DACH1: variants seen among roughly 807,000 people sequenced by gnomAD.
The protein encoded by DACH1 is dachshund family transcription factor 1.
Under a neutral mutation model 54.2 loss-of-function variants are expected in DACH1, and 12 were observed. The ratio of observed to expected loss-of-function variants is 0.22; its 90% CI spans 0.14 to 0.36. The LOEUF is 0.36. Ranked by LOEUF, DACH1 falls within the 10% of genes least tolerant of loss-of-function variation. The pLI is 1.00. For missense variants in DACH1, 805 were observed against 929.8 expected, an observed-to-expected ratio of 0.87 and a Z score of 1.75; for synonymous variants, 386 against 366.2, an observed-to-expected ratio of 1.05 and a Z score of -0.62.
At chr13:71,753,905 A>T (rs1330801657) in intron 1 of DACH1, among the ~76,000 whole-genome samples, 1 of 152,228 alleles carries the variant, frequency 6.6e-6, no homozygotes. Context: ...TTCTCATGCC[A>T]TAGTCAAAGT....
chr13:71,653,144 T>C (rs891160561), intron 2 of DACH1, among the ~76,000 whole-genome samples: 7 of 152,212 alleles, frequency 4.6e-5, no homozygotes, highest in African/African-American at 1.7e-4. Context: ...ACTTAATTTC[T>C]ATTATTTGAT....
At position 71,620,966 on chromosome 13, in the gene DACH1, A is replaced by G. The variant is rs182793962; in HGVS notation, c.1126+9590T>C. Among the ~76,000 whole-genome samples the G allele has an allele frequency of 5.9e-4, 90 of 152,156 alleles. 3 individuals carry two copies. The highest frequency in any genetic ancestry group is 5.8e-3 in the Admixed American group (88 of 15,226). ...TTATAGATGAACTCAATTGATAAAA[A>G]GACTTAAATATGTGCCATAAAGCCA... On this transcript the variant is annotated intron_variant, in intron 3 of 10. Coordinates refer to ENST00000613252, the MANE Select transcript of DACH1 (RefSeq NM_080759.6).
intron 1 of DACH1, among the ~76,000 whole-genome samples, chr13:71,809,678 G>C (rs983719615): frequency 6.6e-6 from 1 of 152,074 alleles, no homozygotes; most frequent in African/African-American, 2.4e-5. Context: ...ATGGAACATA[G>C]TCTTATTTGA....
chr13:71,564,973 G>A (rs893132439), intron 4 of DACH1, among the ~76,000 whole-genome samples: 7 of 152,172 alleles, frequency 4.6e-5, no homozygotes, highest in African/African-American at 1.2e-4. Flanking sequence ...CCAGGCTAGA[G>A]TGCAGTGGCA....
chr13:71,821,922 G>C (rs886360553), intron 1 of DACH1, among the ~76,000 whole-genome samples: 2 of 151,930 alleles, frequency 1.3e-5, no homozygotes, highest in Non-Finnish European at 2.9e-5. Context: ...TTATCTGGGC[G>C]TGGCGGTGTG....
intron 4 of DACH1, among the ~76,000 whole-genome samples, chr13:71,568,754 C>T (rs1430138306): frequency 6.6e-6 from 1 of 152,018 alleles, no homozygotes; most frequent in Non-Finnish European, 1.5e-5. Context: ...AGCTGAATTA[C>T]ATAACATCTC....
intron 2 of DACH1, among the ~76,000 whole-genome samples, chr13:71,679,364 G>A (rs1215607636): frequency 6.6e-6 from 1 of 152,074 alleles, no homozygotes; most frequent in East Asian, 1.9e-4. Flanking sequence ...TATGTGAGGT[G>A]TTGCTATTTA....
chr13:71,562,944 C>T (rs988696293), intron 4 of DACH1, among the ~76,000 whole-genome samples: 1 of 151,968 alleles, frequency 6.6e-6, no homozygotes, highest in African/African-American at 2.4e-5. Flanking sequence ...ATTTATAAGG[C>T]TATATGTAGA....
intron 1 of DACH1, among the ~76,000 whole-genome samples, chr13:71,841,889 T>C (rs1872877957): frequency 6.6e-6 from 1 of 152,216 alleles, no homozygotes; most frequent in Non-Finnish European, 1.5e-5. Flanking sequence ...CTACATAGTT[T>C]ACAAATGCCA....
chr13:71,551,843 T>C (rs1232160418), intron 6 of DACH1, among the ~76,000 whole-genome samples: 1 of 152,092 alleles, frequency 6.6e-6, no homozygotes, highest in Non-Finnish European at 1.5e-5. Flanking sequence ...TACATTATTG[T>C]CTTTAGTGCT....
At chr13:71,852,217 T>A (rs1389842898) in intron 1 of DACH1, among the ~76,000 whole-genome samples, 1 of 152,180 alleles carries the variant, frequency 6.6e-6, no homozygotes, top group African/African-American at 2.4e-5. Context: ...GACTACCCGC[T>A]GCTTAACAAA....
At chr13:71,761,496 G>C (rs1885400391) in intron 1 of DACH1, among the ~76,000 whole-genome samples, 1 of 152,188 alleles carries the variant, frequency 6.6e-6, no homozygotes, top group Admixed American at 6.5e-5. Flanking sequence ...TAGGAAGCGA[G>C]ATGAATTGTT....
chr13:71,866,335 ACTG>A lies in DACH1; in HGVS notation c.432_434del (p.Ser163del), dbSNP rs752226499. ...TACTGCTGCTGCTGCTGCTGCTGCTACTGCTGCTGCTGCTGCTGCCGGTGCTGG... is the reference window on the plus strand; with the variant it reads ...TACTGCTGCTGCTGCTGCTGCTGCTACTGCTGCTGCTGCTGCCGGTGCTGG... On this transcript the variant is annotated inframe_deletion, in exon 1 of 11. Transcript: ENST00000613252. The A allele has an allele frequency of 1.1e-3, 1,585 of 1,481,652 alleles. No individual in the cohort carries two copies. Among genetic ancestry groups the A allele is most frequent in the East Asian group, 1.6e-3 (62 of 38,974 alleles). The allele number at this position is 1,481,652 out of a possible 1,614,324, so 91.8% of individuals were successfully genotyped here. A position where few individuals can be genotyped will look rare whatever the true frequency, so the allele number is the denominator to read the frequency against.
intron 6 of DACH1, among the ~76,000 whole-genome samples, chr13:71,511,379 CA>C (rs200243302): frequency 0.013 from 1,886 of 150,634 alleles, 153 homozygotes; most frequent in Admixed American, 0.11. Context: ...TGCTGAGAGC[CA>C]AAAAAAATGT....
chr13:71,590,237 C>T (rs1873599644), intron 3 of DACH1, among the ~76,000 whole-genome samples: 1 of 152,002 alleles, frequency 6.6e-6, no homozygotes, highest in Admixed American at 6.6e-5. Context: ...TATAATTAAA[C>T]CAAGTCTCTA....
At chr13:71,624,970 C>A (rs897146639) in intron 3 of DACH1, among the ~76,000 whole-genome samples, 3 of 151,870 alleles carry the variant, frequency 2.0e-5, no homozygotes, top group Non-Finnish European at 2.9e-5. Flanking sequence ...AGGACACCCC[C>A]TCCCTGAAAA....
chr13:71,470,406 T>C (rs1198597227), intron 10 of DACH1, among the ~76,000 whole-genome samples: 2 of 151,872 alleles, frequency 1.3e-5, no homozygotes, highest in East Asian at 3.9e-4. Context: ...CCTCAAAGGT[T>C]CAAGTGATTC....
At chr13:71,625,592 A>G (rs1004567141) in intron 3 of DACH1, among the ~76,000 whole-genome samples, 2 of 151,968 alleles carry the variant, frequency 1.3e-5, no homozygotes, top group Non-Finnish European at 1.5e-5. Flanking sequence ...AAGGAGTGAT[A>G]AATACCCTTG....
At chr13:71,629,888 C>T (rs930186821) in intron 3 of DACH1, among the ~76,000 whole-genome samples, 3 of 152,206 alleles carry the variant, frequency 2.0e-5, no homozygotes, top group East Asian at 1.9e-4. Context: ...CAAAAATTAA[C>T]CCATATTTGA....
Sources: gnomAD v4.1 joint callset for allele counts (sites outside exome capture counted in the v4.1 genomes callset) on GRCh38, gnomAD v4.1.1 for gene constraint, MANE v1.5 for transcripts, NCBI Gene and HGNC (gene_info 2026-07-23, HGNC 2026-07-21) for gene names.